The following CARMIL1 variants were observed in gnomAD, a reference collection of about 807,000 sequenced individuals.
CARMIL1 encodes capping protein regulator and myosin 1 linker 1.
In CARMIL1, 90 loss-of-function variants were observed where a neutral mutation model predicts 177.1. The observed-to-expected ratio is 0.51, with a 90% CI of 0.43 to 0.61. CARMIL1 has a LOEUF of 0.61. Ranked by LOEUF, CARMIL1 falls within the 20% of genes least tolerant of loss-of-function variation. CARMIL1 has a pLI of 0.00. For missense variants in CARMIL1, 1,380 were observed against 1,667.0 expected (o/e 0.83, Z 3.00); for synonymous variants, 577 against 606.2 (o/e 0.95, Z 0.71).
At chr6:25,575,221 CA>C (rs1246226011) in intron 29 of CARMIL1, among the ~76,000 whole-genome samples, 3 of 152,158 alleles carry the variant, frequency 2.0e-5, no homozygotes, top group Non-Finnish European at 4.4e-5. Flanking sequence ...ATGTTGAAGT[CA>C]TTGTAGCCCA....
chr6:25,291,744 G>A (rs562559603), intron 2 of CARMIL1, among the ~76,000 whole-genome samples: 1 of 152,254 alleles, frequency 6.6e-6, no homozygotes, highest in East Asian at 1.9e-4. Context: ...CCTAATCACT[G>A]ATTTCAGTGA....
chr6:25,513,802 G>A (rs1020774410), intron 20 of CARMIL1, among the ~76,000 whole-genome samples: 6 of 152,154 alleles, frequency 3.9e-5, no homozygotes, highest in Non-Finnish European at 7.4e-5. Flanking sequence ...TACCCCAGAA[G>A]CTGCTTCTAT....
intron 11 of CARMIL1, among the ~76,000 whole-genome samples, chr6:25,476,342 G>A (rs1801575917): frequency 3.3e-5 from 5 of 152,062 alleles, no homozygotes; most frequent in African/African-American, 1.2e-4. Flanking sequence ...TCTGTTGTGT[G>A]GTTTCTGCTC....
chr6:25,549,087 T>C (rs1375915870), intron 26 of CARMIL1, among the ~76,000 whole-genome samples: 3 of 152,210 alleles, frequency 2.0e-5, no homozygotes, highest in African/African-American at 7.2e-5. Context: ...GTCAAAGTTA[T>C]GTGATCATGG....
chr6:25,506,637 A>C (rs572540724), intron 17 of CARMIL1, among the ~76,000 whole-genome samples: 4 of 152,314 alleles, frequency 2.6e-5, no homozygotes, highest in Middle Eastern at 3.4e-3. Context: ...TCCTGCTAGA[A>C]AGTAGACATT....
intron 17 of CARMIL1, among the ~76,000 whole-genome samples, chr6:25,505,586 G>A (rs1358333562): frequency 6.6e-6 from 1 of 152,098 alleles, no homozygotes; most frequent in African/African-American, 2.4e-5. Flanking sequence ...CTGAGTAGCT[G>A]GGATTACAGG....
chr6:25,357,296 G>C (rs954745561), intron 2 of CARMIL1, among the ~76,000 whole-genome samples: 1 of 152,190 alleles, frequency 6.6e-6, no homozygotes, highest in South Asian at 2.1e-4. Context: ...ACTCAAAACA[G>C]TTGAAAAGTA....
Position 25,389,977 on chromosome 6 carries a change from A to G in CARMIL1, c.139-30137A>G, listed in dbSNP as rs1434705644. Among the ~76,000 whole-genome samples, 6 of 152,052 alleles carry G rather than the reference A, an allele frequency of 3.9e-5. No individual in the cohort carries two copies. The East Asian group carries it at 1.2e-3, about 29-fold the overall frequency. ...TCTGTTTAAGATTTTTCTGGTGGCAATTGCCTAGTTTAAAAAAACAAACAG... is the reference window on the plus strand; with the variant it reads ...TCTGTTTAAGATTTTTCTGGTGGCAGTTGCCTAGTTTAAAAAAACAAACAG... On this transcript the variant is annotated intron_variant, in intron 2 of 36. Transcript: ENST00000329474.
At chr6:25,600,126 C>T (rs1423031258) in intron 32 of CARMIL1, among the ~76,000 whole-genome samples, 188 bp from the exon 33 acceptor site, 3 of 152,110 alleles carry the variant, frequency 2.0e-5, no homozygotes, top group Non-Finnish European at 4.4e-5. Context: ...GATTTTCTCA[C>T]GTGAATATGA....
At chr6:25,458,531 G>T (rs1799736221) in intron 8 of CARMIL1, among the ~76,000 whole-genome samples, 1 of 147,168 alleles carries the variant, frequency 6.8e-6, no homozygotes, top group Non-Finnish European at 1.5e-5. Context: ...GAAGCCAAAT[G>T]ATTGGTTAAT....
intron 32 of CARMIL1, among the ~76,000 whole-genome samples, chr6:25,595,610 C>G (rs369632021): frequency 1.3e-4 from 20 of 152,238 alleles, no homozygotes; most frequent in East Asian, 9.6e-4. Flanking sequence ...TCCCACCCCC[C>G]CGAATTAATT....
chr6:25,411,362 C>T (rs1562101154), intron 2 of CARMIL1, among the ~76,000 whole-genome samples: 1 of 152,174 alleles, frequency 6.6e-6, no homozygotes, highest in African/African-American at 2.4e-5. Context: ...ACCATCCTGC[C>T]ACCACTTAAA....
At chr6:25,383,378 A>C (rs1791798237) in intron 2 of CARMIL1, among the ~76,000 whole-genome samples, 1 of 152,342 alleles carries the variant, frequency 6.6e-6, no homozygotes, top group East Asian at 1.9e-4. Context: ...TAAAGATACA[A>C]ATAATTTCCA....
At chr6:25,605,952 C>T (rs1051049269) in intron 34 of CARMIL1, 109 bp from the exon 35 acceptor site, 6 of 701,952 alleles carry the variant, frequency 8.5e-6, no homozygotes, top group African/African-American at 3.6e-5. Flanking sequence ...TTAAAACATC[C>T]GTGATGAGAA....
chr6:25,530,152 T>C (rs557993945), intron 24 of CARMIL1, among the ~76,000 whole-genome samples: 5 of 150,886 alleles, frequency 3.3e-5, no homozygotes, highest in African/African-American at 1.2e-4. Flanking sequence ...GACCCACACC[T>C]AAATATATCT....
chr6:25,341,459 C>T (rs1786928149), intron 2 of CARMIL1, among the ~76,000 whole-genome samples: 2 of 152,256 alleles, frequency 1.3e-5, no homozygotes, highest in Non-Finnish European at 1.5e-5. Flanking sequence ...CATGGTGGCT[C>T]ATGCCTATAA....
chr6:25,501,253 A>G (rs970513857), intron 17 of CARMIL1, among the ~76,000 whole-genome samples: 3 of 151,686 alleles, frequency 2.0e-5, no homozygotes, highest in Non-Finnish European at 4.4e-5. Context: ...GGGCCTTTAT[A>G]CTCACTGTTC....
At chr6:25,451,930 C>T in intron 8 of CARMIL1, 1 of 599,838 alleles carries the variant, frequency 1.7e-6, no homozygotes, top group Non-Finnish European at 3.0e-6. Context: ...ATTTGGACAA[C>T]TGAAGTGTCA....
intron 24 of CARMIL1, among the ~76,000 whole-genome samples, chr6:25,531,750 A>C (rs1343342338): frequency 6.6e-6 from 1 of 152,244 alleles, no homozygotes; most frequent in Non-Finnish European, 1.5e-5. Flanking sequence ...TGAAAGTTAC[A>C]CTGAAACTTT....
Sources: gnomAD v4.1 joint callset for allele counts (sites outside exome capture counted in the v4.1 genomes callset) on GRCh38, gnomAD v4.1.1 for gene constraint, MANE v1.5 for transcripts, NCBI Gene and HGNC (gene_info 2026-07-23, HGNC 2026-07-21) for gene names.